The following GRM3 variants were observed in gnomAD, a reference collection of about 807,000 sequenced individuals.
GRM3 encodes glutamate metabotropic receptor 3, also known as metabotropic glutamate receptor 3.
Under a neutral mutation model 70.5 loss-of-function variants are expected in GRM3, and 26 were observed. The observed-to-expected ratio is 0.37, with a 90% confidence interval of 0.27 to 0.51. The LOEUF (loss-of-function observed/expected upper bound fraction) is 0.51, where lower values mean the gene tolerates loss of function less well. Ranked by LOEUF, GRM3 falls within the 20% of genes least tolerant of loss-of-function variation. The probability of loss-of-function intolerance (pLI) is 0.93; values close to 1 mark genes in which losing one functional copy is unlikely to be tolerated. For synonymous variants in GRM3, 443 were observed against 434.9 expected, an observed-to-expected ratio of 1.02 and a Z score of -0.23; for missense variants, 859 against 1,123.8, an observed-to-expected ratio of 0.76 and a Z score of 3.37.
At chr7:86,660,289 G>A (rs1332281628) in intron 1 of GRM3, among the ~76,000 whole-genome samples, 3 of 152,042 alleles carry the variant, frequency 2.0e-5, no homozygotes, top group Non-Finnish European at 2.9e-5. Context: ...TAATTGTGCA[G>A]TTTAGCTGAA....
intron 3 of GRM3, among the ~76,000 whole-genome samples, chr7:86,825,735 G>A (rs1389725660): frequency 2.6e-5 from 4 of 152,200 alleles, no homozygotes; most frequent in Non-Finnish European, 4.4e-5. Flanking sequence ...ATATAAAGAA[G>A]TCTATGGTTT....
intron 3 of GRM3, among the ~76,000 whole-genome samples, chr7:86,818,590 A>C (rs1798060797): frequency 6.6e-6 from 1 of 152,118 alleles, no homozygotes; most frequent in African/African-American, 2.4e-5. Context: ...CATAGTAGGT[A>C]CTCAAGTAGA....
At chr7:86,686,669 C>A (rs1026979964) in intron 1 of GRM3, among the ~76,000 whole-genome samples, 4 of 152,038 alleles carry the variant, frequency 2.6e-5, no homozygotes, top group Non-Finnish European at 4.4e-5. Flanking sequence ...ACTGCTATAG[C>A]TGACAAAAAA....
chr7:86,766,381 T>TAA (rs376927010), intron 2 of GRM3, among the ~76,000 whole-genome samples: 1 of 144,304 alleles, frequency 6.9e-6, no homozygotes, highest in Non-Finnish European at 1.5e-5. Flanking sequence ...TTACTACCAT[T>TAA]AAAAAAAAAA....
At chr7:86,728,749 T>G (rs1293835287) in intron 1 of GRM3, among the ~76,000 whole-genome samples, 1 of 152,142 alleles carries the variant, frequency 6.6e-6, no homozygotes, top group African/African-American at 2.4e-5. Flanking sequence ...TCTGATATGT[T>G]GGTTGGGATT....
chr7:86,812,275 A>T (rs1038631358), intron 3 of GRM3, among the ~76,000 whole-genome samples: 1 of 151,830 alleles, frequency 6.6e-6, no homozygotes, highest in South Asian at 2.1e-4. Flanking sequence ...TGCAATGCAT[A>T]TATTAGATTA....
At chr7:86,831,133 T>C (rs1798343076) in intron 3 of GRM3, among the ~76,000 whole-genome samples, 3 of 152,200 alleles carry the variant, frequency 2.0e-5, no homozygotes, top group Admixed American at 6.5e-5. Context: ...TACTTCGTTA[T>C]GGCAGCCCTA....
chr7:86,735,585 A>T (rs1795839391), intron 1 of GRM3, among the ~76,000 whole-genome samples: 1 of 152,316 alleles, frequency 6.6e-6, no homozygotes, highest in East Asian at 1.9e-4. Context: ...ATAAGCACTC[A>T]TTTGGTTTTC....
At chr7:86,701,672 C>G (rs1794949116) in intron 1 of GRM3, among the ~76,000 whole-genome samples, 2 of 151,758 alleles carry the variant, frequency 1.3e-5, no homozygotes, top group South Asian at 4.2e-4. Flanking sequence ...ATTTATTGAC[C>G]TTCAAGTTTC....
chr7:86,812,958 C>G (rs1797940750), intron 3 of GRM3, among the ~76,000 whole-genome samples: 1 of 151,462 alleles, frequency 6.6e-6, no homozygotes, highest in Admixed American at 6.6e-5. Context: ...AATGAGTTGG[C>G]CTATTTGGAG....
At chr7:86,659,148 T>G (rs1475051169) in intron 1 of GRM3, among the ~76,000 whole-genome samples, 3 of 152,172 alleles carry the variant, frequency 2.0e-5, no homozygotes, top group Middle Eastern at 3.2e-3. Context: ...TTGAATCCCA[T>G]TTGTTAATAC....
chr7:86,807,765 A>G (rs1316351087), intron 3 of GRM3, among the ~76,000 whole-genome samples: 1 of 152,192 alleles, frequency 6.6e-6, no homozygotes, highest in Non-Finnish European at 1.5e-5. Flanking sequence ...TGCCCTGGCC[A>G]GAACTTCCAA....
chr7:86,701,920 T>C (rs891334495), intron 1 of GRM3, among the ~76,000 whole-genome samples: 1 of 151,920 alleles, frequency 6.6e-6, no homozygotes, highest in Non-Finnish European at 1.5e-5. Flanking sequence ...AAGGTAAGCA[T>C]ATCAGAGTCA....
At chr7:86,692,972 C>T (rs901324931) in intron 1 of GRM3, among the ~76,000 whole-genome samples, 4 of 152,008 alleles carry the variant, frequency 2.6e-5, no homozygotes, top group East Asian at 3.9e-4. Context: ...TGGACAGATC[C>T]GTCATGAAAT....
At chr7:86,713,383 C>T (rs1795243071) in intron 1 of GRM3, among the ~76,000 whole-genome samples, 1 of 152,034 alleles carries the variant, frequency 6.6e-6, no homozygotes, top group South Asian at 2.1e-4. Flanking sequence ...AAGTGCTCCA[C>T]AGCTTAGCTC....
chr7:86,836,550 A>G (rs993594907), intron 3 of GRM3, among the ~76,000 whole-genome samples: 3 of 152,200 alleles, frequency 2.0e-5, no homozygotes, highest in Non-Finnish European at 4.4e-5. Flanking sequence ...GGGGAAAAGG[A>G]TGGAGGAGCA....
intron 1 of GRM3, among the ~76,000 whole-genome samples, chr7:86,758,433 A>C (rs1283416759): frequency 6.6e-6 from 1 of 152,108 alleles, no homozygotes; most frequent in Non-Finnish European, 1.5e-5. Context: ...GATCACAGGG[A>C]ATTTGGAGAG....
chr7:86,826,769 A>G (rs1310225805), intron 3 of GRM3, among the ~76,000 whole-genome samples: 2 of 152,150 alleles, frequency 1.3e-5, no homozygotes. Context: ...TGGGCCAGGT[A>G]TGTATTTGTT....
chr7:86,858,021 A>G (rs2115601195), intron 5 of GRM3, among the ~76,000 whole-genome samples: 1 of 151,964 alleles, frequency 6.6e-6, no homozygotes, highest in Non-Finnish European at 1.5e-5. Context: ...CAGTGGCACA[A>G]TCTCGGCTCA....
Sources: allele counts gnomAD v4.1 joint callset (sites outside exome capture counted in the v4.1 genomes callset), GRCh38; gene constraint gnomAD v4.1.1; transcripts MANE v1.5; gene names NCBI Gene and HGNC (gene_info 2026-07-23, HGNC 2026-07-21).